RIMS1: variants seen among roughly 807,000 people sequenced by gnomAD.
RIMS1 encodes regulating synaptic membrane exocytosis 1.
RIMS1 carries 83 observed loss-of-function variants against 214.1 expected under a neutral mutation model. That is an observed-to-expected ratio of 0.39 (90% CI 0.32 to 0.47). The LOEUF is 0.47. RIMS1 is among the 20% of genes least tolerant of loss of function. The pLI, the probability that RIMS1 is intolerant of heterozygous loss-of-function variation, is 0.99. For synonymous variants in RIMS1, 793 were observed against 786.8 expected (o/e 1.01, Z -0.13); for missense variants, 2,050 against 2,161.8 (o/e 0.95, Z 1.03).
At chr6:72,128,040 G>C (rs777253979) in intron 4 of RIMS1, among the ~76,000 whole-genome samples, 74 of 152,136 alleles carry the variant, frequency 4.9e-4, no homozygotes, top group Non-Finnish European at 7.5e-4. Context: ...TGTCCAAAGG[G>C]AAAATAAGCT....
chr6:72,301,058 C>T (rs760551745), intron 26 of RIMS1, among the ~76,000 whole-genome samples: 7 of 151,720 alleles, frequency 4.6e-5, no homozygotes, highest in Admixed American at 2.6e-4. Flanking sequence ...TTCTGTTTCT[C>T]ATGCTGGTAG....
chr6:72,130,129 TGCTG>T (rs1411584280), intron 4 of RIMS1, among the ~76,000 whole-genome samples: 4 of 152,160 alleles, frequency 2.6e-5, no homozygotes, highest in African/African-American at 7.2e-5. Flanking sequence ...TACTTTATCT[TGCTG>T]GCTATTTTGA....
intron 3 of RIMS1, among the ~76,000 whole-genome samples, chr6:72,098,599 A>G (rs778092752): frequency 5.9e-5 from 9 of 151,660 alleles, no homozygotes; most frequent in East Asian, 1.9e-4. Context: ...CTGGCCGATC[A>G]ATATATCTTA....
chr6:72,088,382 A>G (rs1253101280), intron 2 of RIMS1, among the ~76,000 whole-genome samples: 1 of 151,678 alleles, frequency 6.6e-6, no homozygotes, highest in East Asian at 1.9e-4. Context: ...CTGAGTAGCT[A>G]GGATTACAGG....
At chr6:72,196,375 CTGT>C (rs2050894881) in intron 6 of RIMS1, among the ~76,000 whole-genome samples, 1 of 142,976 alleles carries the variant, frequency 7.0e-6, no homozygotes, top group African/African-American at 2.7e-5. Context: ...GTCTGTCTGT[CTGT>C]CTATCTATCT....
At chr6:72,201,442 GCAGTGTTTTTGACC>G (rs2051967803) in intron 6 of RIMS1, among the ~76,000 whole-genome samples, 1 of 152,136 alleles carries the variant, frequency 6.6e-6, no homozygotes, top group Non-Finnish European at 1.5e-5. Flanking sequence ...GAATCATACT[GCAGTGTTTTTGACC>G]CATTTTATCC....
chr6:72,061,760 C>T (rs1332005623), intron 2 of RIMS1, among the ~76,000 whole-genome samples: 1 of 152,074 alleles, frequency 6.6e-6, no homozygotes, highest in Non-Finnish European at 1.5e-5. Context: ...GCATAAAGTT[C>T]GAGTGAAAGT....
chr6:72,266,080 T>C, intron 22 of RIMS1, 31 bp downstream of exon 22: 2 of 1,441,112 alleles, frequency 1.4e-6, no homozygotes, highest in Non-Finnish European at 1.9e-6. Flanking sequence ...TAATTTCTTA[T>C]CATTTGTACT....
chr6:72,140,363 G>A (rs2041935542), intron 4 of RIMS1, among the ~76,000 whole-genome samples: 1 of 152,024 alleles, frequency 6.6e-6, no homozygotes, highest in African/African-American at 2.4e-5. Context: ...GTTAAACAGA[G>A]GCTACAGTCT....
intron 1 of RIMS1, among the ~76,000 whole-genome samples, chr6:71,937,935 G>A (rs889361409): frequency 1.3e-5 from 2 of 151,920 alleles, no homozygotes; most frequent in African/African-American, 2.4e-5. Flanking sequence ...TCCAAAATCC[G>A]GAGTCTCATC....
chr6:72,024,573 T>A lies in RIMS1; in HGVS notation c.245+55510T>A, dbSNP rs188023664. On this transcript the variant is annotated intron_variant, in intron 2 of 33. Coordinates refer to ENST00000521978, the MANE Select transcript of RIMS1 (RefSeq NM_014989.7). ...CATTGTCAATATATTTAGTCAGCAA[T>A]GGCTTCTTTACATTTTCTCAGTTTT... 2.0e-5 allele frequency among the ~76,000 whole-genome samples: 3 copies of A among 152,284 alleles called. No homozygotes were observed. In the East Asian group the frequency reaches 5.8e-4, roughly 29 times the overall value.
intron 1 of RIMS1, among the ~76,000 whole-genome samples, chr6:71,951,396 C>T (rs140341241): frequency 6.6e-6 from 1 of 152,062 alleles, no homozygotes; most frequent in African/African-American, 2.4e-5. Flanking sequence ...TACATTCTTA[C>T]ATTCAACCAA....
intron 2 of RIMS1, among the ~76,000 whole-genome samples, chr6:72,015,713 T>A (rs1379429454): frequency 6.6e-6 from 1 of 151,894 alleles, no homozygotes; most frequent in African/African-American, 2.4e-5. Context: ...GATCACGAGG[T>A]CAGGAGATCG....
chr6:72,218,349 A>G lies in RIMS1; in HGVS notation c.1679-15424A>G, dbSNP rs1040100418. ...TTGCTCCCCCTCAGGTTCAGTGTGT[A>G]TTGCTGAGGGCAGCTGAAGAGAGCT... is the stretch of plus-strand genomic sequence containing the variant. On this transcript the variant is annotated intron_variant, in intron 6 of 33. Transcript: ENST00000521978. Among the ~76,000 whole-genome samples, 4 of 152,118 alleles carry G rather than the reference A, an allele frequency of 2.6e-5. No individual in the cohort carries two copies. The South Asian group carries it at 8.3e-4, about 31-fold the overall frequency.
chr6:72,185,468 C>T (rs1176650792), intron 6 of RIMS1, among the ~76,000 whole-genome samples: 1 of 151,946 alleles, frequency 6.6e-6, no homozygotes, highest in Non-Finnish European at 1.5e-5. Flanking sequence ...AATATAGATT[C>T]CAGAGTTAAT....
intron 4 of RIMS1, among the ~76,000 whole-genome samples, chr6:72,153,335 A>T (rs529208428): frequency 6.6e-6 from 1 of 151,868 alleles, no homozygotes; most frequent in African/African-American, 2.4e-5. Context: ...GCAACCAGTA[A>T]GGAGATTTTT....
intron 1 of RIMS1, among the ~76,000 whole-genome samples, chr6:71,919,327 G>T (rs1779317794): frequency 6.6e-6 from 1 of 151,918 alleles, no homozygotes; most frequent in Non-Finnish European, 1.5e-5. Flanking sequence ...ATAAATGGGG[G>T]TCAGGAAAAT....
chr6:71,908,830 A>T (rs1035606199), intron 1 of RIMS1, among the ~76,000 whole-genome samples: 6 of 152,136 alleles, frequency 3.9e-5, no homozygotes, highest in Middle Eastern at 3.2e-3. Context: ...TTTGTTTAGA[A>T]AATTAAGACC....
intron 4 of RIMS1, among the ~76,000 whole-genome samples, chr6:72,148,061 G>A (rs989457084): frequency 2.6e-5 from 4 of 152,168 alleles, no homozygotes; most frequent in African/African-American, 9.7e-5. Context: ...TCAAGAGATT[G>A]CTCAGCTAAA....
Sources: allele counts gnomAD v4.1 joint callset (sites outside exome capture counted in the v4.1 genomes callset), GRCh38; gene constraint gnomAD v4.1.1; transcripts MANE v1.5; gene names NCBI Gene and HGNC (gene_info 2026-07-23, HGNC 2026-07-21).